DACH2: variants seen among roughly 807,000 people sequenced by gnomAD.
DACH2 encodes dachshund homolog 2.
In DACH2, 17 loss-of-function variants were observed where a neutral mutation model predicts 35.8. The ratio of observed to expected loss-of-function variants is 0.48; its 90% CI spans 0.33 to 0.71. The LOEUF (loss-of-function observed/expected upper bound fraction) is 0.71. Ranked by LOEUF, DACH2 falls within the 30% of genes least tolerant of loss-of-function variation. The probability of loss-of-function intolerance (pLI) is 0.02; values close to 1 mark genes in which losing one functional copy is unlikely to be tolerated. For missense variants in DACH2, 469 were observed against 472.7 expected, an observed-to-expected ratio of 0.99 and a Z score of 0.07; for synonymous variants, 195 against 177.3, an observed-to-expected ratio of 1.10 and a Z score of -0.79.
chrX:86,676,038 C>G (rs933542201), intron 4 of DACH2, among the ~76,000 whole-genome samples: 1 of 111,794 alleles, frequency 8.9e-6, no homozygotes, highest in Non-Finnish European at 1.9e-5. Flanking sequence ...TATTTTCAGA[C>G]TAGCTGAGCA....
At chrX:86,192,377 A>G (rs1488835152) in intron 1 of DACH2, among the ~76,000 whole-genome samples, 1 of 112,164 alleles carries the variant, frequency 8.9e-6, no homozygotes, top group Non-Finnish European at 1.9e-5. Flanking sequence ...GAAACATTAT[A>G]ATTAATTTTC....
At chrX:86,295,600 A>G (rs752913436) in intron 1 of DACH2, among the ~76,000 whole-genome samples, 2 of 111,272 alleles carry the variant, frequency 1.8e-5, no homozygotes, top group Admixed American at 9.6e-5. Context: ...TTGGACCACT[A>G]GGATTGACAA....
intron 1 of DACH2, among the ~76,000 whole-genome samples, chrX:86,165,134 T>C (rs2030899037): frequency 9.0e-6 from 1 of 110,801 alleles, no homozygotes; most frequent in Non-Finnish European, 1.9e-5. Context: ...TAATTCTCAT[T>C]GTAGAGACCT....
chrX:86,813,647 GTAA>G (rs1244610545), intron 9 of DACH2, among the ~76,000 whole-genome samples: 4 of 101,639 alleles, frequency 3.9e-5, no homozygotes, highest in Admixed American at 1.1e-4. Context: ...AATAATAATA[GTAA>G]TAATAATAAT....
At chrX:86,723,202 C>A (rs2041427144) in intron 6 of DACH2, among the ~76,000 whole-genome samples, 1 of 111,044 alleles carries the variant, frequency 9.0e-6, no homozygotes, top group East Asian at 2.8e-4. Context: ...TTATTTGTAT[C>A]TTTTGTTAGT....
chrX:86,640,372 G>A (rs757282076), intron 3 of DACH2, among the ~76,000 whole-genome samples: 46 of 111,507 alleles, frequency 4.1e-4, no homozygotes, highest in Non-Finnish European at 8.1e-4. Flanking sequence ...CAGACACAAG[G>A]AGAGGCCAGT....
Position 86,491,471 on chromosome X carries a change from G to A in DACH2, c.528-22808G>A, listed in dbSNP as rs2038091889. Among the ~76,000 whole-genome samples, 3 of 111,888 alleles carry A rather than the reference G, an allele frequency of 2.7e-5. No homozygotes were observed. In the Admixed American group the frequency reaches 2.8e-4, roughly 11 times the overall value. ...TTGGCAGCAAATGTTTCCAAAGGAA[G>A]CAAATGTTTTAGTGACTATGGCCAA... On this transcript the variant is annotated intron_variant, in intron 2 of 11. Coordinates refer to ENST00000373125, the MANE Select transcript of DACH2 (RefSeq NM_053281.3).
At chrX:86,512,353 G>T (rs1180755520) in intron 2 of DACH2, among the ~76,000 whole-genome samples, 1 of 110,666 alleles carries the variant, frequency 9.0e-6, no homozygotes, top group Non-Finnish European at 1.9e-5. Flanking sequence ...GGACTAAGAG[G>T]CCTCTAATGC....
chrX:86,573,066 G>C (rs1380793293), intron 3 of DACH2, among the ~76,000 whole-genome samples: 1 of 110,648 alleles, frequency 9.0e-6, no homozygotes, highest in African/African-American at 3.3e-5. Context: ...TTTTCAGTCA[G>C]TGCCCAGTAC....
intron 1 of DACH2, among the ~76,000 whole-genome samples, chrX:86,293,309 G>A (rs969640697): frequency 3.6e-5 from 4 of 109,756 alleles, no homozygotes; most frequent in Non-Finnish European, 7.6e-5. Flanking sequence ...TTTATTTTGA[G>A]CCTATGTGTC....
chrX:86,217,455 T>C (rs1258696806), intron 1 of DACH2, among the ~76,000 whole-genome samples: 1 of 111,836 alleles, frequency 8.9e-6, no homozygotes, highest in Non-Finnish European at 1.9e-5. Context: ...TTATTACTAA[T>C]AATAAAACTA....
At chrX:86,534,336 C>G (rs964719106) in intron 3 of DACH2, among the ~76,000 whole-genome samples, 1 of 111,932 alleles carries the variant, frequency 8.9e-6, no homozygotes, top group African/African-American at 3.2e-5. Flanking sequence ...GTTGTATGAA[C>G]TATTTCTGTT....
At chrX:86,445,750 T>G (rs2037260918) in intron 2 of DACH2, among the ~76,000 whole-genome samples, 1 of 110,594 alleles carries the variant, frequency 9.0e-6, no homozygotes, top group East Asian at 2.9e-4. Context: ...ATCTCTTAAA[T>G]AGGTTAGGAC....
At chrX:86,637,206 CAAAAAAA>C (rs772970002) in intron 3 of DACH2, among the ~76,000 whole-genome samples, 1 of 7,761 alleles carries the variant, frequency 1.3e-4, no homozygotes, top group Non-Finnish European at 2.4e-4. Flanking sequence ...ACTGAAAAGC[CAAAAAAA>C]AAAAAAAAAA....
At chrX:86,181,885 TGTGAGATG>T (rs1252038155) in intron 1 of DACH2, among the ~76,000 whole-genome samples, 1 of 112,172 alleles carries the variant, frequency 8.9e-6, no homozygotes, top group African/African-American at 3.2e-5. Context: ...TTCTAACTGG[TGTGAGATG>T]GTATCTCATT....
intron 1 of DACH2, among the ~76,000 whole-genome samples, chrX:86,176,156 G>A (rs773765681): frequency 2.1e-4 from 23 of 111,340 alleles, no homozygotes; most frequent in South Asian, 1.1e-3. Context: ...TGCAAAAGGT[G>A]ATGTAGTGAA....
intron 2 of DACH2, among the ~76,000 whole-genome samples, chrX:86,399,210 C>CT (rs903158148): frequency 3.6e-5 from 4 of 111,448 alleles, no homozygotes; most frequent in African/African-American, 9.8e-5. Flanking sequence ...CAACCCCTGC[C>CT]TTTTTTTGTT....
At chrX:86,655,475 G>T (rs1168796484) in intron 4 of DACH2, among the ~76,000 whole-genome samples, 2 of 111,811 alleles carry the variant, frequency 1.8e-5, no homozygotes, top group Admixed American at 1.9e-4. Flanking sequence ...GAAGTGACTA[G>T]CAAATAATAG....
chrX:86,189,395 C>T (rs1409556138), intron 1 of DACH2, among the ~76,000 whole-genome samples: 1 of 111,803 alleles, frequency 8.9e-6, no homozygotes, highest in Admixed American at 9.5e-5. Flanking sequence ...CATTCACCTT[C>T]ATCAACCGTG....
Sources: gnomAD v4.1 joint callset for allele counts (sites outside exome capture counted in the v4.1 genomes callset) on GRCh38, gnomAD v4.1.1 for gene constraint, MANE v1.5 for transcripts, NCBI Gene and HGNC (gene_info 2026-07-23, HGNC 2026-07-21) for gene names.